NRG1: variants seen among roughly 807,000 people sequenced by gnomAD.
NRG1 encodes the protein neuregulin 1, also known as pro-neuregulin-1, membrane-bound isoform.
Under a neutral mutation model 63.8 loss-of-function variants are expected in NRG1, and 18 were observed. The observed-to-expected ratio is 0.28, with a 90% CI of 0.19 to 0.42. The LOEUF (loss-of-function observed/expected upper bound fraction) is 0.42. Among genes scored for constraint, NRG1 ranks in the 10% least tolerant of loss-of-function variants. The pLI is 1.00. For missense variants in NRG1, 762 were observed against 814.7 expected, an observed-to-expected ratio of 0.94 and a Z score of 0.79; for synonymous variants, 302 against 301.3, an observed-to-expected ratio of 1.00 and a Z score of -0.02.
intron 1 of NRG1, among the ~76,000 whole-genome samples, chr8:31,935,854 A>C (rs1299959986): frequency 1.3e-5 from 2 of 152,176 alleles, no homozygotes; most frequent in African/African-American, 2.4e-5. Flanking sequence ...AGGCTCCATG[A>C]GAGGCTTGGA....
chr8:31,747,895 A>C (rs547659965), intron 1 of NRG1, among the ~76,000 whole-genome samples: 13 of 152,042 alleles, frequency 8.6e-5, no homozygotes, highest in African/African-American at 2.6e-4. Flanking sequence ...TTTTAACTTC[A>C]GTTATCTTTT....
rs563080201 is a variant in NRG1, at chr8:31,741,558, A to T, written c.37+102127A>T. ...TAGTAAATAACATAAAAGCAAACTG[A>T]AAAATACTTCAAACGACATTATTCA... is the stretch of plus-strand genomic sequence containing the variant. On this transcript the variant is annotated intron_variant, in intron 1 of 10. Transcript: ENST00000519301. Among the ~76,000 whole-genome samples the T allele has an allele frequency of 2.6e-3, 390 of 152,152 alleles. 1 individual carries two copies. In the Middle Eastern group the frequency reaches 0.031, roughly 12 times the overall value.
chr8:32,124,669 A>G (rs2131581324), intron 1 of NRG1, among the ~76,000 whole-genome samples: 1 of 151,892 alleles, frequency 6.6e-6, no homozygotes, highest in Middle Eastern at 3.4e-3. Flanking sequence ...TATAACGTGA[A>G]TTTTTGCCCC....
chr8:32,522,936 G>A (rs1397708293), intron 1 of NRG1, among the ~76,000 whole-genome samples: 1 of 151,600 alleles, frequency 6.6e-6, no homozygotes, highest in Non-Finnish European at 1.5e-5. Flanking sequence ...TGAGTAGCTA[G>A]GACTATAGGT....
At chr8:31,772,180 A>G (rs13260040) in intron 1 of NRG1, among the ~76,000 whole-genome samples, 21,288 of 152,194 alleles carry the variant, frequency 0.14, 1,628 homozygotes, top group Admixed American at 0.17. Context: ...ACTATCTTTC[A>G]TGATCTATCT....
intron 1 of NRG1, among the ~76,000 whole-genome samples, chr8:31,889,639 G>A (rs1830993788): frequency 6.6e-6 from 1 of 152,158 alleles, no homozygotes; most frequent in African/African-American, 2.4e-5. Flanking sequence ...CCACAGGTTT[G>A]GAAATGGCTC....
At chr8:31,754,998 T>A (rs751680042) in intron 1 of NRG1, among the ~76,000 whole-genome samples, 5 of 152,082 alleles carry the variant, frequency 3.3e-5, no homozygotes, top group Admixed American at 2.0e-4. Flanking sequence ...GAGAGCATTA[T>A]CACCTCTAAC....
chr8:32,332,822 G>A (rs1802814243), intron 1 of NRG1, among the ~76,000 whole-genome samples: 1 of 152,174 alleles, frequency 6.6e-6, no homozygotes, highest in South Asian at 2.1e-4. Context: ...TTGCTCAGAA[G>A]ACTGTGTTTT....
chr8:32,343,531 T>C (rs896481234), intron 1 of NRG1, among the ~76,000 whole-genome samples: 4 of 152,196 alleles, frequency 2.6e-5, no homozygotes, highest in African/African-American at 9.6e-5. Context: ...AAATGTCCAT[T>C]TACTCACAAT....
chr8:32,465,083 G>A (rs1235850384), intron 1 of NRG1, among the ~76,000 whole-genome samples: 1 of 152,196 alleles, frequency 6.6e-6, no homozygotes, highest in East Asian at 1.9e-4. Flanking sequence ...GCTGAAGCAA[G>A]AGAATCGCTT....
chr8:31,746,527 T>C (rs1038855158), intron 1 of NRG1, among the ~76,000 whole-genome samples: 7 of 151,950 alleles, frequency 4.6e-5, no homozygotes, highest in Non-Finnish European at 1.0e-4. Context: ...AGCAATAGCA[T>C]ATTACAAATA....
At chr8:31,955,687 C>A (rs1443039611) in intron 1 of NRG1, among the ~76,000 whole-genome samples, 1 of 152,014 alleles carries the variant, frequency 6.6e-6, no homozygotes, top group Non-Finnish European at 1.5e-5. Flanking sequence ...TCCTTCCCAG[C>A]CTCAAAAAGT....
At chr8:31,748,654 C>CT (rs1256421130) in intron 1 of NRG1, among the ~76,000 whole-genome samples, 3 of 151,788 alleles carry the variant, frequency 2.0e-5, no homozygotes, top group Non-Finnish European at 2.9e-5. Flanking sequence ...AATAAAGGTC[C>CT]TTTTTTCTTA....
At chr8:32,150,688 A>C (rs1837408296) in intron 1 of NRG1, among the ~76,000 whole-genome samples, 1 of 152,148 alleles carries the variant, frequency 6.6e-6, no homozygotes, top group Admixed American at 6.5e-5. Flanking sequence ...CAGCCCAAAC[A>C]GACTAAGACC....
At chr8:32,491,145 G>C (rs528207803) in intron 1 of NRG1, among the ~76,000 whole-genome samples, 1 of 151,996 alleles carries the variant, frequency 6.6e-6, no homozygotes, top group Non-Finnish European at 1.5e-5. Context: ...AAGATGAGAC[G>C]GACCTAGCAT....
At chr8:31,943,979 T>A (rs1407960609) in intron 1 of NRG1, among the ~76,000 whole-genome samples, 1 of 152,206 alleles carries the variant, frequency 6.6e-6, no homozygotes, top group Non-Finnish European at 1.5e-5. Flanking sequence ...TACTTGTTTA[T>A]CAAAATGGTA....
chr8:32,358,557 A>G (rs1370484591), intron 1 of NRG1, among the ~76,000 whole-genome samples: 1 of 152,124 alleles, frequency 6.6e-6, no homozygotes, highest in Non-Finnish European at 1.5e-5. Flanking sequence ...TATCTACAAG[A>G]TACTAAAAGA....
At chr8:32,466,277 T>G (rs973298458) in intron 1 of NRG1, among the ~76,000 whole-genome samples, 1 of 151,850 alleles carries the variant, frequency 6.6e-6, no homozygotes, top group African/African-American at 2.4e-5. Context: ...CAGTGAGCCA[T>G]GTTTATACCC....
intron 5 of NRG1, among the ~76,000 whole-genome samples, chr8:32,684,866 G>A (rs958713081): frequency 4.1e-5 from 6 of 147,826 alleles, no homozygotes; most frequent in African/African-American, 1.0e-4. Flanking sequence ...GAAAAAAAAC[G>A]CATACATATC....
Sources: allele counts gnomAD v4.1 joint callset (sites outside exome capture counted in the v4.1 genomes callset), GRCh38; gene constraint gnomAD v4.1.1; transcripts MANE v1.5; gene names NCBI Gene and HGNC (gene_info 2026-07-23, HGNC 2026-07-21).